HAUS8: variants seen among roughly 807,000 people sequenced by gnomAD.
The protein encoded by HAUS8 is HAUS augmin-like complex subunit 8.
In HAUS8, 38 loss-of-function variants were observed where a neutral mutation model predicts 42.9. The ratio of observed to expected loss-of-function variants is 0.89; its 90% CI spans 0.68 to 1.16. The LOEUF (loss-of-function observed/expected upper bound fraction) is 1.16. HAUS8 is among the 50% of genes most tolerant of loss of function. The pLI is 0.00. For missense variants in HAUS8, 494 were observed against 511.6 expected, an observed-to-expected ratio of 0.97 and a Z score of 0.33; for synonymous variants, 199 against 205.8, an observed-to-expected ratio of 0.97 and a Z score of 0.28.
At chr19:17,066,926 C>T (rs772060693) in intron 3 of HAUS8, among the ~76,000 whole-genome samples, 4 of 152,146 alleles carry the variant, frequency 2.6e-5, no homozygotes, top group South Asian at 2.1e-4. Flanking sequence ...GGAACCAGGC[C>T]GGGCATGGCG....
intron 4 of HAUS8, 116 bp downstream of exon 4, chr19:17,062,582 T>C: frequency 1.3e-6 from 1 of 773,744 alleles, no homozygotes; most frequent in Non-Finnish European, 2.3e-6. Flanking sequence ...CAACTCTCTC[T>C]GCTCACTGCT....
chr19:17,072,338 C>CTTTT (rs71180355), intron 2 of HAUS8, among the ~76,000 whole-genome samples: 47 of 87,530 alleles, frequency 5.4e-4, no homozygotes, highest in East Asian at 1.3e-3. Context: ...CGAGCATTTC[C>CTTTT]TTTTTTTTTT....
rs746623863 is a variant in HAUS8 at position 17,075,403 on chromosome 19, CG to C, written c.19del (p.Arg7GlufsTer28). The C allele has an allele frequency of 6.2e-7, 1 of 1,613,952 alleles. No individual in the cohort carries two copies. Reference sequence around the variant, plus strand: ...GGAAGCCCCAACTCACCCAGCGCCTCGCCCCGAGGAATCCGCCATTTTCCCG... The same window carrying C: ...GGAAGCCCCAACTCACCCAGCGCCTCCCCCGAGGAATCCGCCATTTTCCCG... MADSSGRGAGKPATGPT... is the reference protein window; with the variant it reads MADSSGXGAGKPATGPT... On this transcript the variant is annotated frameshift_variant, in exon 1 of 11. Coordinates refer to ENST00000253669, the MANE Select transcript of HAUS8 (RefSeq NM_033417.2). LOFTEE classifies it high-confidence loss of function.
rs772861292 is a variant in HAUS8 at position 17,052,957 on chromosome 19, T to C, written c.797A>G (p.Gln266Arg). 1.7e-5 allele frequency: 28 copies of C among 1,614,210 alleles called. No individual in the cohort carries two copies. In the South Asian group the frequency reaches 2.9e-4, roughly 16 times the overall value. Residue 266 changes from glutamine (Q) to arginine (R), a missense_variant, in exon 10 of 11, where the codon CAG (glutamine) becomes CGG (arginine). By Grantham distance (43) the Gln-to-Arg change is conservative. Coordinates refer to ENST00000253669, the MANE Select transcript of HAUS8 (RefSeq NM_033417.2). ...GCGCTGAGTGGTCACCAGTTCATGC[T>C]GCAGGGCGTCTGGAGGGGAAGAGGG... The part of the protein sequence containing the change: ...GDGQQLLDAL[Q>R]HELVTTQRLL...
rs748200524 is a variant in HAUS8 at position 17,050,188 on chromosome 19, G to A, written c.930-12C>T. On this transcript the variant is annotated splice_polypyrimidine_tract_variant and intron_variant, in intron 10 of 10. Transcript: ENST00000253669. Reference sequence around the variant, plus strand: ...CCTGGGCAAAGCTCCTGTTGAGGATGGGAGAAAGAATAACGGCTTTCACCC... The same window carrying A: ...CCTGGGCAAAGCTCCTGTTGAGGATAGGAGAAAGAATAACGGCTTTCACCC... The A allele has an allele frequency of 5.4e-6, 8 of 1,475,794 alleles. No individual in the cohort carries two copies. Among genetic ancestry groups the A allele is most frequent in the Non-Finnish European group, 7.2e-6 (8 of 1,112,318 alleles). 91.4% of individuals were successfully genotyped at this position (1,475,794 alleles called of 1,614,324 possible). A position where few individuals can be genotyped will look rare whatever the true frequency, so the allele number is the denominator to read the frequency against.
chr19:17,053,985 G>A (rs1439029880), intron 9 of HAUS8, among the ~76,000 whole-genome samples: 2 of 152,000 alleles, frequency 1.3e-5, no homozygotes, highest in Non-Finnish European at 2.9e-5. Context: ...TTTCAATAAC[G>A]AGACAGCCAG....
chr19:17,061,955 C>A (rs1198247212), intron 4 of HAUS8, among the ~76,000 whole-genome samples: 2 of 151,460 alleles, frequency 1.3e-5, no homozygotes, highest in African/African-American at 4.9e-5. Flanking sequence ...AAGGGCATAG[C>A]GCGAATTCTC....
At chr19:17,067,732 T>C (rs992701040) in intron 3 of HAUS8, among the ~76,000 whole-genome samples, 3 of 152,106 alleles carry the variant, frequency 2.0e-5, no homozygotes, top group African/African-American at 4.8e-5. Context: ...TATCCTCTTT[T>C]CTCAAGCCGA....
intron 4 of HAUS8, among the ~76,000 whole-genome samples, chr19:17,062,153 C>T (rs763042910): frequency 2.6e-5 from 4 of 152,198 alleles, no homozygotes; most frequent in Non-Finnish European, 4.4e-5. Flanking sequence ...CGGTGTCTCA[C>T]TCGGTTGCCC....
At chr19:17,050,214 T>G (rs1270087644) in intron 10 of HAUS8, 38 bp from the exon 11 acceptor site, 1 of 1,432,106 alleles carries the variant, frequency 7.0e-7, no homozygotes, top group Non-Finnish European at 9.2e-7. Flanking sequence ...GCTTTCACCC[T>G]CTGAGGTGAA....
In HAUS8 at chr19:17,062,706, T is replaced by C. The variant is rs779274086; in HGVS notation, c.221A>G (p.Lys74Arg). The change falls in exon 4 of 11, where the codon AAA (lysine) becomes AGA (arginine). Residue 74 changes from lysine to arginine, a missense_variant. Lys to Arg is a conservative substitution (Grantham distance 26). Transcript: ENST00000253669. ...EGGRKSSLLQ[K>R]SKADSSGVGK... ...CCATGGCTGTTTCGCACCTTTGCTT[T>C]TCTGGAGCAGGCTGGATTTCCTTCC... 6.2e-7 allele frequency: 1 copy of C among 1,614,112 alleles called. No homozygotes were observed. The highest frequency in any genetic ancestry group is 1.1e-5 in the South Asian group (1 of 91,086).
intron 3 of HAUS8, among the ~76,000 whole-genome samples, chr19:17,068,756 C>T (rs2057402926): frequency 6.6e-6 from 1 of 151,894 alleles, no homozygotes; most frequent in African/African-American, 2.4e-5. Flanking sequence ...AGAGAGAGAC[C>T]TTGCCTCAAA....
chr19:17,057,780 A>G (rs11086051), intron 8 of HAUS8, among the ~76,000 whole-genome samples: 67,455 of 151,860 alleles, frequency 0.44, 15,243 homozygotes, highest in South Asian at 0.58. Flanking sequence ...CCCTTATTTG[A>G]AAAGAGGGAC....
At chr19:17,066,548 G>C (rs2057388127) in intron 3 of HAUS8, among the ~76,000 whole-genome samples, 1 of 152,182 alleles carries the variant, frequency 6.6e-6, no homozygotes, top group Non-Finnish European at 1.5e-5. Context: ...AGGCAGAAGA[G>C]GGGCAGTCTT....
chr19:17,063,124 T>G (rs536843567), intron 3 of HAUS8, among the ~76,000 whole-genome samples: 1 of 152,192 alleles, frequency 6.6e-6, no homozygotes, highest in African/African-American at 2.4e-5. Context: ...TTTTTACACA[T>G]ATGTTGTCAA....
chr19:17,059,443 A>G, intron 6 of HAUS8, 114 bp downstream of exon 6: 1 of 710,604 alleles, frequency 1.4e-6, no homozygotes, highest in South Asian at 1.7e-5. Context: ...CCTAAAGGGC[A>G]TGGGTGTCTT....
Position 17,059,992 on chromosome 19 carries a change from T to G in HAUS8, c.325+5A>C. On this transcript the variant is annotated splice_donor_5th_base_variant and intron_variant, in intron 5 of 10. Coordinates refer to ENST00000253669, the MANE Select transcript of HAUS8 (RefSeq NM_033417.2). ...GTGACAGAAGGGGTGAAACAAATGA[T>G]TTACCATTAATAGCAGAGAGATCCA... The G allele has an allele frequency of 6.2e-7, 1 of 1,603,336 alleles. No homozygotes were observed. Among genetic ancestry groups the G allele is most frequent in the Non-Finnish European group, 8.5e-7 (1 of 1,170,342 alleles).
chr19:17,069,789 G>T (rs768297744), intron 2 of HAUS8, among the ~76,000 whole-genome samples: 20 of 151,780 alleles, frequency 1.3e-4, no homozygotes, highest in Non-Finnish European at 1.8e-4. Flanking sequence ...CCTACGCCAG[G>T]CCCAACCCTT....
chr19:17,073,561 G>A (rs1287619207), intron 1 of HAUS8: 7 of 573,214 alleles, frequency 1.2e-5, no homozygotes, highest in Non-Finnish European at 2.2e-5. Context: ...TGAGAAGAGA[G>A]GAGGGTAATG....
Sources: gnomAD v4.1 joint callset for allele counts (sites outside exome capture counted in the v4.1 genomes callset) on GRCh38, gnomAD v4.1.1 for gene constraint, MANE v1.5 for transcripts, NCBI Gene and HGNC (gene_info 2026-07-23, HGNC 2026-07-21) for gene names.